The following CRADD variants were observed in gnomAD, a reference collection of about 807,000 sequenced individuals.
The protein encoded by CRADD is CARD and death domain containing adaptor protein, also known as death domain-containing protein CRADD.
A neutral mutation model predicts 15.5 loss-of-function variants in CRADD; 9 were observed. That is an observed-to-expected ratio of 0.58 (90% confidence interval 0.35 to 1.01). The LOEUF is 1.01. CRADD is among the 50% of genes least tolerant of loss of function. The pLI, the probability that CRADD is intolerant of heterozygous loss-of-function variation, is 0.02. For missense variants in CRADD, 227 were observed against 250.3 expected, an observed-to-expected ratio of 0.91 and a Z score of 0.63; for synonymous variants, 118 against 107.6, an observed-to-expected ratio of 1.10 and a Z score of -0.60.
At chr12:93,698,194 G>C (rs984948268) in intron 2 of CRADD, among the ~76,000 whole-genome samples, 5 of 152,070 alleles carry the variant, frequency 3.3e-5, no homozygotes, top group African/African-American at 1.2e-4. Flanking sequence ...CCATATCTTG[G>C]GCCAGTGTGT....
intron 2 of CRADD, among the ~76,000 whole-genome samples, chr12:93,769,946 C>T (rs991956411): frequency 6.6e-6 from 1 of 152,150 alleles, no homozygotes; most frequent in Non-Finnish European, 1.5e-5. Flanking sequence ...TGTGGCTTGC[C>T]TTTATTGCTC....
intron 2 of CRADD, among the ~76,000 whole-genome samples, chr12:93,823,298 C>CAAACAA (rs1555226732): frequency 1.3e-4 from 18 of 139,828 alleles, no homozygotes; most frequent in East Asian, 2.1e-4. Flanking sequence ...GTCTCAAAAA[C>CAAACAA]AAAAAAAAAA....
rs374874148 is a variant in CRADD, at chr12:93,745,607, C to T, written c.298+66535C>T. On this transcript the variant is annotated intron_variant, in intron 2 of 2. Coordinates refer to ENST00000332896, the MANE Select transcript of CRADD (RefSeq NM_003805.5). ...GAAACCAGTACCTCCTCAGCCCTTG[C>T]GGGAAATGTGATAATCCAATCTTAG... Among the ~76,000 whole-genome samples the T allele has an allele frequency of 3.0e-4, 46 of 152,242 alleles. No individual in the cohort carries two copies. In the East Asian group the frequency reaches 3.7e-3, roughly 12 times the overall value.
chr12:93,785,044 A>G (rs1054549491), intron 2 of CRADD, among the ~76,000 whole-genome samples: 1 of 152,118 alleles, frequency 6.6e-6, no homozygotes, highest in Non-Finnish European at 1.5e-5. Context: ...TTCTGGCTTC[A>G]GTCACATATA....
chr12:93,805,812 C>T (rs1957530777), intron 2 of CRADD, among the ~76,000 whole-genome samples: 1 of 152,094 alleles, frequency 6.6e-6, no homozygotes, highest in African/African-American at 2.4e-5. Context: ...TAGCAAATGC[C>T]TTGGTGATGA....
chr12:93,709,088 A>C (rs1261312932), intron 2 of CRADD: 2 of 152,274 alleles, frequency 1.3e-5, no homozygotes, highest in African/African-American at 4.8e-5. Flanking sequence ...GGATGCCTGC[A>C]AGGCAGAGTG....
At chr12:93,711,055 C>CCCCCTTTT in intron 2 of CRADD, among the ~76,000 whole-genome samples, 84 of 43,492 alleles carry the variant, frequency 1.9e-3, no homozygotes, top group East Asian at 4.0e-3. Context: ...CCACCCCCGC[C>CCCCCTTTT]TTTTTTTTTT....
chr12:93,786,766 C>CA (rs1957282481), intron 2 of CRADD, among the ~76,000 whole-genome samples: 2 of 152,158 alleles, frequency 1.3e-5, no homozygotes. Flanking sequence ...AATGAGGAAA[C>CA]ACGAGACATC....
intron 2 of CRADD, among the ~76,000 whole-genome samples, chr12:93,841,077 G>A (rs538574158): frequency 6.6e-6 from 1 of 151,676 alleles, no homozygotes; most frequent in Non-Finnish European, 1.5e-5. Context: ...ATTTTTTTCT[G>A]CATCTATTAA....
rs984311527 is a variant in CRADD, at chr12:93,884,870, T to C, written c.299-9180T>C. Among the ~76,000 whole-genome samples, 3 of 152,090 alleles carry C rather than the reference T, an allele frequency of 2.0e-5. No individual in the cohort carries two copies. The East Asian group carries it at 5.8e-4, about 29-fold the overall frequency. ...GTGGAGAATCAGAGAGGGGGCTGAG[T>C]GCACTTGTCCACCCGAATGCATAGA... On this transcript the variant is annotated intron_variant, in intron 2 of 2. Transcript: ENST00000548483.
At position 93,824,844 on chromosome 12, in the gene CRADD, A is replaced by C. The variant is rs1957807000; in HGVS notation, c.299-25126A>C. Among the ~76,000 whole-genome samples, 1 of 152,192 alleles carries C rather than the reference A, an allele frequency of 6.6e-6. No homozygotes were observed. Among genetic ancestry groups the C allele is most frequent in the African/African-American group, 2.4e-5 (1 of 41,440 alleles). ...GTAAAAGCTGCCCCTGGACAGAGTG[A>C]AGCATGCAGAGGGAGGCGGAGTGAA... is the stretch of plus-strand genomic sequence containing the variant. On this transcript the variant is annotated intron_variant, in intron 2 of 2. Coordinates refer to ENST00000332896, the MANE Select transcript of CRADD (RefSeq NM_003805.5). This position sits in a 1 kb window ranked among gnomAD's most constrained non-coding sequence, Gnocchi z 4.3.
intron 2 of CRADD, among the ~76,000 whole-genome samples, chr12:93,721,361 A>G (rs1171050679): frequency 3.9e-5 from 6 of 152,204 alleles, no homozygotes; most frequent in Admixed American, 3.9e-4. Flanking sequence ...TAATAATGAA[A>G]TATTCCTAAT....
intron 2 of CRADD, among the ~76,000 whole-genome samples, chr12:93,860,887 T>C (rs1958314419): frequency 6.6e-6 from 1 of 152,184 alleles, no homozygotes. Flanking sequence ...ACTTTCTGCT[T>C]TAACCAAATA....
intron 2 of CRADD, among the ~76,000 whole-genome samples, chr12:93,756,969 T>C (rs1035978216): frequency 6.6e-6 from 1 of 152,206 alleles, no homozygotes; most frequent in Non-Finnish European, 1.5e-5. Flanking sequence ...AATCAGTTAA[T>C]TTATTTGCCA....
chr12:93,864,377 A>T (rs1250196374), intron 2 of CRADD, among the ~76,000 whole-genome samples: 1 of 152,168 alleles, frequency 6.6e-6, no homozygotes, highest in Non-Finnish European at 1.5e-5. Flanking sequence ...TGATGGGAAT[A>T]TTAGCCCCAC....
intron 2 of CRADD, among the ~76,000 whole-genome samples, chr12:93,727,219 G>A (rs17021517): frequency 0.02 from 3,112 of 152,194 alleles, 79 homozygotes; most frequent in East Asian, 0.092. Context: ...TTGAATAATT[G>A]GACAGATCCC....
chr12:93,706,325 GT>G (rs1955950555), intron 2 of CRADD, among the ~76,000 whole-genome samples: 1 of 152,202 alleles, frequency 6.6e-6, no homozygotes, highest in African/African-American at 2.4e-5. Flanking sequence ...AATGGTGAGT[GT>G]GAATTCATAG....
At chr12:93,703,599 C>T (rs12818549) in intron 2 of CRADD, among the ~76,000 whole-genome samples, 56,264 of 151,708 alleles carry the variant, frequency 0.37, 11,517 homozygotes, top group East Asian at 0.58. Context: ...TGAGCTCAAG[C>T]GATCTGCCCA....
At chr12:93,861,022 A>G (rs1447033929) in intron 2 of CRADD, among the ~76,000 whole-genome samples, 1 of 152,156 alleles carries the variant, frequency 6.6e-6, no homozygotes, top group African/African-American at 2.4e-5. Flanking sequence ...AAATAAACTC[A>G]TGACATTTTA....
Sources: gnomAD v4.1 joint callset for allele counts (sites outside exome capture counted in the v4.1 genomes callset) on GRCh38, gnomAD v4.1.1 for gene constraint, Gnocchi (gnomAD v3.1) non-coding constraint, MANE v1.5 for transcripts, NCBI Gene and HGNC (gene_info 2026-07-23, HGNC 2026-07-21) for gene names.